The following ZMYM2 variants were observed in gnomAD, a reference collection of about 807,000 sequenced individuals.
ZMYM2 encodes zinc finger MYM-type containing 2, also known as zinc finger MYM-type protein 2.
A neutral mutation model predicts 162.8 loss-of-function variants in ZMYM2; 56 were observed. That is an observed-to-expected ratio of 0.34 (90% confidence interval 0.28 to 0.43). ZMYM2 has a LOEUF of 0.43. ZMYM2 is among the 20% of genes least tolerant of loss of function. The pLI, the probability that ZMYM2 is intolerant of heterozygous loss-of-function variation, is 1.00. For missense variants in ZMYM2, 1,275 were observed against 1,621.8 expected (o/e 0.79, Z 3.67); for synonymous variants, 510 against 541.6 (o/e 0.94, Z 0.81).
chr13:19,954,361 C>A (rs575848838), upstream of ZMYM2, among the ~76,000 whole-genome samples: 26 of 151,876 alleles, frequency 1.7e-4, no homozygotes, highest in Non-Finnish European at 3.2e-4. Flanking sequence ...TGTGATCCGC[C>A]CGCCTCGGCC....
At chr13:20,014,290 T>G (rs1951433099) in intron 6 of ZMYM2, among the ~76,000 whole-genome samples, 1 of 152,148 alleles carries the variant, frequency 6.6e-6, no homozygotes. Flanking sequence ...GCCAGAATGG[T>G]CTCGATCTCC....
At chr13:20,003,902 G>T (rs1013136509) in intron 4 of ZMYM2, among the ~76,000 whole-genome samples, 2 of 152,150 alleles carry the variant, frequency 1.3e-5, no homozygotes, top group African/African-American at 4.8e-5. Flanking sequence ...GCCCACCTCA[G>T]CCTCCCAAAG....
the ZMYM2 span, among the ~76,000 whole-genome samples, chr13:19,910,603 G>A: frequency 2.1e-4 from 32 of 149,716 alleles, no homozygotes; most frequent in South Asian, 6.1e-3. Flanking sequence ...TTGGCTCACT[G>A]GAACTTCCTC....
intron 5 of ZMYM2, among the ~76,000 whole-genome samples, chr13:20,005,903 G>A (rs923125509): frequency 1.5e-4 from 23 of 152,108 alleles, no homozygotes; most frequent in African/African-American, 5.5e-4. Flanking sequence ...TGCCATACAT[G>A]TGTTCCTGTG....
chr13:20,033,209 C>T (rs1953361873), intron 10 of ZMYM2, among the ~76,000 whole-genome samples: 1 of 152,008 alleles, frequency 6.6e-6, no homozygotes, highest in South Asian at 2.1e-4. Flanking sequence ...GAAGATCCTG[C>T]ATACACTGAA....
chr13:20,036,580 T>C (rs745560214), intron 11 of ZMYM2, among the ~76,000 whole-genome samples, 157 bp from the exon 12 acceptor site: 12 of 152,320 alleles, frequency 7.9e-5, no homozygotes, highest in Non-Finnish European at 1.3e-4. Context: ...AAATATCCCA[T>C]ATTCTGTTCT....
At chr13:19,980,098 A>G (rs1316292455) in intron 2 of ZMYM2, among the ~76,000 whole-genome samples, 1 of 151,918 alleles carries the variant, frequency 6.6e-6, no homozygotes, top group Admixed American at 6.6e-5. Flanking sequence ...TTATTTTTAC[A>G]TTAAATTTTT....
chr13:19,999,088 A>G (rs1343350900), intron 3 of ZMYM2, among the ~76,000 whole-genome samples: 3 of 152,230 alleles, frequency 2.0e-5, no homozygotes, highest in Non-Finnish European at 4.4e-5. Context: ...AGCTTAGCAC[A>G]AAAGAGAAAA....
At chr13:19,911,401 G>A in the ZMYM2 span, among the ~76,000 whole-genome samples, 1 of 152,134 alleles carries the variant, frequency 6.6e-6, no homozygotes, top group East Asian at 1.9e-4. Flanking sequence ...TAGAACCCTA[G>A]GAATGAAAGA....
intron 2 of ZMYM2, among the ~76,000 whole-genome samples, chr13:19,979,164 T>C (rs1487792994): frequency 6.6e-6 from 1 of 152,182 alleles, no homozygotes; most frequent in Non-Finnish European, 1.5e-5. Context: ...CAGATGAGTC[T>C]CTTCTTTTTT....
chr13:20,014,081 T>G (rs568291076), intron 6 of ZMYM2, among the ~76,000 whole-genome samples: 1 of 152,130 alleles, frequency 6.6e-6, no homozygotes, highest in Admixed American at 6.6e-5. Flanking sequence ...TTTGTTTGTT[T>G]GTTTGTTTGT....
the ZMYM2 span, among the ~76,000 whole-genome samples, chr13:19,911,712 T>C: frequency 6.6e-6 from 1 of 152,196 alleles, no homozygotes; most frequent in East Asian, 1.9e-4. Context: ...TTGATGGTTC[T>C]TCCCCTAGTT....
At chr13:20,027,748 C>G (rs1284116555) in intron 9 of ZMYM2, among the ~76,000 whole-genome samples, 1 of 152,076 alleles carries the variant, frequency 6.6e-6, no homozygotes, top group East Asian at 1.9e-4. Flanking sequence ...ATTTTTTACA[C>G]TAGGCCTTAA....
At chr13:20,043,545 T>C (rs1458866439) in intron 12 of ZMYM2, among the ~76,000 whole-genome samples, 1 of 151,932 alleles carries the variant, frequency 6.6e-6, no homozygotes, top group Non-Finnish European at 1.5e-5. Context: ...TGCAGGTCTT[T>C]GTGCATTCTC....
intron 2 of ZMYM2, among the ~76,000 whole-genome samples, chr13:19,963,766 C>G (rs1955493804): frequency 6.6e-6 from 1 of 152,008 alleles, no homozygotes; most frequent in South Asian, 2.1e-4. Flanking sequence ...TTGGATCAAG[C>G]TTTACACAAT....
chr13:20,059,439 G>A lies in ZMYM2; in HGVS notation c.2624-8G>A, dbSNP rs763408072. The stretch of plus-strand genomic sequence containing the variant: ...ACATTGCTCCTTAAATATGTTTTGT[G>A]TTTTTAGATGATACTTGGAGGACAG... On this transcript the variant is annotated splice_region_variant and splice_polypyrimidine_tract_variant and intron_variant, in intron 15 of 24. Coordinates refer to ENST00000610343, the MANE Select transcript of ZMYM2 (RefSeq NM_197968.4). 1.2e-6 allele frequency: 2 copies of A among 1,612,794 alleles called. No homozygotes were observed. The highest frequency in any genetic ancestry group is 1.7e-6 in the Non-Finnish European group (2 of 1,179,172).
At chr13:19,919,823 A>G in the ZMYM2 span, among the ~76,000 whole-genome samples, 1 of 151,934 alleles carries the variant, frequency 6.6e-6, no homozygotes, top group South Asian at 2.1e-4. Context: ...GATTACAGGC[A>G]TGCACCACAC....
At chr13:19,870,537 CTCT>C in the ZMYM2 span, among the ~76,000 whole-genome samples, 4 of 109,206 alleles carry the variant, frequency 3.7e-5, no homozygotes, top group African/African-American at 1.2e-4. Flanking sequence ...TTCTTTCTTT[CTCT>C]TTCTTTCTTT....
chr13:20,057,696 TAA>T (rs1382882646), intron 14 of ZMYM2, among the ~76,000 whole-genome samples: 1 of 152,204 alleles, frequency 6.6e-6, no homozygotes, highest in African/African-American at 2.4e-5. Flanking sequence ...GTTTTATTAT[TAA>T]AAAATACTGT....
Sources: allele counts gnomAD v4.1 joint callset (sites outside exome capture counted in the v4.1 genomes callset), GRCh38; gene constraint gnomAD v4.1.1; transcripts MANE v1.5; gene names NCBI Gene and HGNC (gene_info 2026-07-23, HGNC 2026-07-21).